C8orf34: variants seen among roughly 807,000 people sequenced by gnomAD.
C8orf34 encodes the protein chromosome 8 open reading frame 34, also known as uncharacterized protein C8orf34.
In C8orf34, 65 loss-of-function variants were observed where a neutral mutation model predicts 68.3. The ratio of observed to expected loss-of-function variants is 0.95; its 90% CI spans 0.78 to 1.17. C8orf34 has a LOEUF of 1.17. Among genes scored for constraint, C8orf34 ranks in the 50% most tolerant of loss-of-function variants. The pLI, the probability that C8orf34 is intolerant of heterozygous loss-of-function variation, is 0.00. For missense variants in C8orf34, 664 were observed against 655.4 expected (o/e 1.01, Z -0.14); for synonymous variants, 244 against 241.2 (o/e 1.01, Z -0.11).
chr8:68,351,387 A>G (rs2129618549), intron 1 of C8orf34, among the ~76,000 whole-genome samples: 1 of 152,128 alleles, frequency 6.6e-6, no homozygotes, highest in South Asian at 2.1e-4. Flanking sequence ...GCTGCCTTTA[A>G]CATTATTTCT....
intron 7 of C8orf34, among the ~76,000 whole-genome samples, chr8:68,596,076 C>T (rs1037696096): frequency 3.3e-5 from 5 of 151,990 alleles, no homozygotes; most frequent in East Asian, 3.9e-4. Flanking sequence ...TCTGTTTGTG[C>T]GTTTCTTTTT....
chr8:68,550,476 A>G (rs1207396730), intron 7 of C8orf34, among the ~76,000 whole-genome samples: 1 of 151,842 alleles, frequency 6.6e-6, no homozygotes, highest in East Asian at 1.9e-4. Flanking sequence ...CATTGTTGCT[A>G]TTATTTTGAA....
intron 1 of C8orf34, among the ~76,000 whole-genome samples, chr8:68,428,421 A>G (rs182531581): frequency 8.5e-5 from 13 of 152,252 alleles, no homozygotes; most frequent in Admixed American, 2.6e-4. Context: ...GCCATGCGTG[A>G]TAACTGGAAT....
intron 1 of C8orf34, among the ~76,000 whole-genome samples, chr8:68,420,202 G>C (rs1809899494): frequency 6.6e-6 from 1 of 150,982 alleles, no homozygotes; most frequent in African/African-American, 2.4e-5. Context: ...GCTTCCCAGG[G>C]AGAAGGGCAA....
chr8:68,593,548 A>C (rs1817458083), intron 7 of C8orf34, among the ~76,000 whole-genome samples: 1 of 151,652 alleles, frequency 6.6e-6, no homozygotes. Context: ...TCTAGCAAAA[A>C]TTTTTTCTAC....
intron 7 of C8orf34, among the ~76,000 whole-genome samples, chr8:68,592,465 A>T (rs943801309): frequency 6.6e-6 from 1 of 151,752 alleles, no homozygotes; most frequent in African/African-American, 2.4e-5. Context: ...GATGGTTTTG[A>T]GTTTTATAAG....
intron 1 of C8orf34, among the ~76,000 whole-genome samples, chr8:68,336,124 G>A (rs1191021004): frequency 1.3e-5 from 2 of 151,840 alleles, no homozygotes; most frequent in Non-Finnish European, 2.9e-5. Context: ...ATATTTGTGG[G>A]TCTCTCTTAA....
chr8:68,652,440 T>C (rs1819389599), intron 8 of C8orf34, among the ~76,000 whole-genome samples: 1 of 152,232 alleles, frequency 6.6e-6, no homozygotes, highest in Non-Finnish European at 1.5e-5. Flanking sequence ...CTGTGTTTTC[T>C]GCTATCACTT....
chr8:68,610,861 G>GTTTTTT lies in C8orf34; in HGVS notation c.1106-29500_1106-29495dup, dbSNP rs60113883. Among the ~76,000 whole-genome samples, 178 of 120,390 alleles carry GTTTTTT rather than the reference G, an allele frequency of 1.5e-3. 6 individuals carry two copies. The highest frequency in any genetic ancestry group is 3.9e-3 in the African/African-American group (113 of 28,832). The allele number at this position is 120,390 out of a possible 152,430, so 79.0% of individuals were successfully genotyped here. Reference sequence around the variant, plus strand: ...GTTTTCTGGTTACAGTGAATCTTTGGTTTTTTTTTTTTTTTTTTTTGAGAC... The same window carrying GTTTTTT: ...GTTTTCTGGTTACAGTGAATCTTTGGTTTTTTTTTTTTTTTTTTTTTTTTTTGAGAC... On this transcript the variant is annotated intron_variant, in intron 7 of 13. Coordinates refer to ENST00000518698, the MANE Select transcript of C8orf34 (RefSeq NM_052958.4).
At chr8:68,616,092 T>C (rs1006863778) in intron 7 of C8orf34, among the ~76,000 whole-genome samples, 11 of 151,538 alleles carry the variant, frequency 7.3e-5, no homozygotes, top group African/African-American at 2.7e-4. Flanking sequence ...GTGTTTGTAG[T>C]ATTCTCTGAT....
chr8:68,729,644 A>T (rs1821926072), intron 10 of C8orf34, among the ~76,000 whole-genome samples: 1 of 152,188 alleles, frequency 6.6e-6, no homozygotes, highest in African/African-American at 2.4e-5. Flanking sequence ...TATACACTTG[A>T]AAGAAAATTA....
chr8:68,477,431 C>T (rs945614611), intron 4 of C8orf34, among the ~76,000 whole-genome samples: 12 of 152,198 alleles, frequency 7.9e-5, no homozygotes, highest in Admixed American at 2.0e-4. Flanking sequence ...AGAACCTCTG[C>T]GAGGGCAGTG....
intron 10 of C8orf34, among the ~76,000 whole-genome samples, chr8:68,774,349 A>AT (rs562858909): frequency 0.014 from 2,020 of 147,620 alleles, 71 homozygotes; most frequent in African/African-American, 0.049. Context: ...ATATATATAT[A>AT]AAATAAACAA....
chr8:68,529,345 G>GC (rs1445445348), intron 6 of C8orf34, among the ~76,000 whole-genome samples: 1 of 152,146 alleles, frequency 6.6e-6, no homozygotes, highest in Non-Finnish European at 1.5e-5. Flanking sequence ...TCAAGTCTCA[G>GC]CCCCCATCTT....
intron 1 of C8orf34, among the ~76,000 whole-genome samples, chr8:68,396,188 C>T (rs568792043): frequency 3.9e-5 from 6 of 151,986 alleles, no homozygotes; most frequent in Non-Finnish European, 7.4e-5. Flanking sequence ...TTTATTCATC[C>T]TAGTATCTCC....
At chr8:68,714,590 G>T (rs1328657195) in intron 9 of C8orf34, among the ~76,000 whole-genome samples, 2 of 152,014 alleles carry the variant, frequency 1.3e-5, no homozygotes, top group Non-Finnish European at 1.5e-5. Context: ...CCTCTACAAG[G>T]AAAACCACAA....
chr8:68,540,972 T>C (rs1197790739), intron 7 of C8orf34, among the ~76,000 whole-genome samples: 1 of 152,218 alleles, frequency 6.6e-6, no homozygotes, highest in Non-Finnish European at 1.5e-5. Flanking sequence ...AATAATAGCG[T>C]GACCTTTGTG....
chr8:68,607,077 C>G (rs1219770242), intron 7 of C8orf34, among the ~76,000 whole-genome samples: 1 of 152,000 alleles, frequency 6.6e-6, no homozygotes, highest in Non-Finnish European at 1.5e-5. Context: ...TGTTTCTTAT[C>G]GTCAATCAGA....
In C8orf34 at chr8:68,619,422, C is replaced by T. The variant is rs140211256; in HGVS notation, c.1106-20954C>T. Among the ~76,000 whole-genome samples, 381 of 152,244 alleles carry T rather than the reference C, an allele frequency of 2.5e-3. 1 individual carries two copies. The highest frequency in any genetic ancestry group is 8.4e-3 in the African/African-American group (351 of 41,558). The stretch of plus-strand genomic sequence containing the variant: ...TGCAGATGAGAGGGAAACCTGAGCA[C>T]GGACAGGCAGGCTGTAATAAACAAG... On this transcript the variant is annotated intron_variant, in intron 7 of 13. Coordinates refer to ENST00000518698, the MANE Select transcript of C8orf34 (RefSeq NM_052958.4).
Sources: allele counts gnomAD v4.1 joint callset (sites outside exome capture counted in the v4.1 genomes callset), GRCh38; gene constraint gnomAD v4.1.1; transcripts MANE v1.5; gene names NCBI Gene and HGNC (gene_info 2026-07-23, HGNC 2026-07-21).